The following DENND1B variants were observed in gnomAD, a reference collection of about 807,000 sequenced individuals.
DENND1B encodes the protein DENN domain containing 1B, also known as DENN domain-containing protein 1B.
DENND1B carries 59 observed loss-of-function variants against 90.1 expected under a neutral mutation model. The observed-to-expected ratio is 0.65, with a 90% CI of 0.53 to 0.81. DENND1B has a LOEUF of 0.81. Among genes scored for constraint, DENND1B ranks in the 40% least tolerant of loss-of-function variants. DENND1B has a pLI of 0.00. For missense variants in DENND1B, 862 were observed against 912.6 expected, an observed-to-expected ratio of 0.94 and a Z score of 0.71; for synonymous variants, 337 against 324.6, an observed-to-expected ratio of 1.04 and a Z score of -0.41.
intron 2 of DENND1B, among the ~76,000 whole-genome samples, chr1:197,753,932 G>A (rs918737736): frequency 6.6e-6 from 1 of 151,856 alleles, no homozygotes; most frequent in African/African-American, 2.4e-5. Context: ...CCCGGGAGGC[G>A]GAGGTTGCAG....
In DENND1B at chr1:197,627,657, T is replaced by C. The variant is rs575287158; in HGVS notation, c.673-9898A>G. ...CCTCTCTCACCACTCCTATTCAACA[T>C]AGAGTTGGAAGTTCTGGCCAGGGCA... On this transcript the variant is annotated intron_variant, in intron 10 of 22. Transcript: ENST00000620048. Among the ~76,000 whole-genome samples the C allele has an allele frequency of 4.2e-3, 633 of 151,986 alleles. 1 individual carries two copies. The highest frequency in any genetic ancestry group is 0.01 in the South Asian group (49 of 4,804).
chr1:197,761,340 A>G (rs764929829), intron 2 of DENND1B, among the ~76,000 whole-genome samples: 3 of 152,076 alleles, frequency 2.0e-5, no homozygotes, highest in Non-Finnish European at 2.9e-5. Flanking sequence ...TCCAAATATC[A>G]TATCTAAAAT....
intron 20 of DENND1B, among the ~76,000 whole-genome samples, chr1:197,534,663 TAC>T (rs886656600): frequency 6.6e-6 from 1 of 152,248 alleles, no homozygotes; most frequent in African/African-American, 2.4e-5. Context: ...CTAATTTTAA[TAC>T]AGTTTAATCT....
chr1:197,682,450 T>G lies in DENND1B; in HGVS notation c.127-8281A>C, dbSNP rs1656789042. Among the ~76,000 whole-genome samples, 4 of 152,312 alleles carry G rather than the reference T, an allele frequency of 2.6e-5. No individual in the cohort carries two copies. The South Asian group carries it at 8.3e-4, about 32-fold the overall frequency. On this transcript the variant is annotated intron_variant, in intron 3 of 22. Transcript: ENST00000620048. ...CAGTTCCACTCATATATTTACAAACTCAATGTGAAATTATACAAATAACTA... is the reference window on the plus strand; with the variant it reads ...CAGTTCCACTCATATATTTACAAACGCAATGTGAAATTATACAAATAACTA...
At chr1:197,511,275 C>A (rs1325967213) in intron 22 of DENND1B, among the ~76,000 whole-genome samples, 1 of 151,704 alleles carries the variant, frequency 6.6e-6, no homozygotes, top group Non-Finnish European at 1.5e-5. Flanking sequence ...TCTATCTCTG[C>A]TGTTTTTAAG....
At chr1:197,552,945 T>A (rs1211919094) in intron 16 of DENND1B, 77 bp downstream of exon 16, 1 of 1,539,556 alleles carries the variant, frequency 6.5e-7, no homozygotes, top group Non-Finnish European at 8.6e-7. Flanking sequence ...ATGAAATAGG[T>A]TTTATCAGAC....
At chr1:197,543,646 T>C (rs1416979398) in intron 18 of DENND1B, among the ~76,000 whole-genome samples, 1 of 152,096 alleles carries the variant, frequency 6.6e-6, no homozygotes, top group Non-Finnish European at 1.5e-5. Context: ...AGGAAAGCCA[T>C]AGAACAACCA....
chr1:197,773,675 T>C (rs968534342), intron 1 of DENND1B, among the ~76,000 whole-genome samples: 4 of 152,270 alleles, frequency 2.6e-5, no homozygotes, highest in Non-Finnish European at 4.4e-5. Context: ...TCAGAAGTTA[T>C]TGACTTTTTT....
chr1:197,586,486 A>C (rs1474186513), intron 14 of DENND1B, among the ~76,000 whole-genome samples: 1 of 152,212 alleles, frequency 6.6e-6, no homozygotes, highest in Non-Finnish European at 1.5e-5. Context: ...AGACATCCAG[A>C]GACCAAAATG....
chr1:197,654,622 A>AG, intron 6 of DENND1B, among the ~76,000 whole-genome samples: 1 of 151,954 alleles, frequency 6.6e-6, no homozygotes, highest in East Asian at 1.9e-4. Context: ...AAAAAAAAAA[A>AG]GAATTTAAAT....
chr1:197,516,897 A>G (rs1024537844), intron 20 of DENND1B, among the ~76,000 whole-genome samples: 8 of 151,960 alleles, frequency 5.3e-5, no homozygotes, highest in South Asian at 4.1e-4. Context: ...TTTTAACACA[A>G]TTGGGTATAG....
intron 15 of DENND1B, among the ~76,000 whole-genome samples, chr1:197,578,778 C>G (rs1673925490): frequency 6.6e-6 from 1 of 151,954 alleles, no homozygotes; most frequent in South Asian, 2.1e-4. Context: ...ACTGTCTTTC[C>G]TTATACCTAT....
chr1:197,540,047 A>T lies in DENND1B; in HGVS notation c.1432T>A (p.Cys478Ser), dbSNP rs774576552. ...GGTGTATATTGTACAGAACTAGAAC[A>T]GGTCCCATAATCTTCTTCATTTTCC... The part of the protein sequence containing the change: ...HKENEEDYGT[C>S]SSSVQYTPVY... The change falls in exon 20 of 23, where the codon TGT becomes AGT. Residue 478 changes from cysteine (C) to serine (S), a missense_variant. Cys to Ser is a moderately radical substitution (Grantham distance 112). Transcript: ENST00000620048. 5 of 1,606,862 alleles carry T rather than the reference A, an allele frequency of 3.1e-6. No homozygotes were observed. In the South Asian group the frequency reaches 5.6e-5, roughly 18 times the overall value.
At chr1:197,690,197 G>C (rs1355437282) in intron 3 of DENND1B, 1 of 297,140 alleles carries the variant, frequency 3.4e-6, no homozygotes, top group East Asian at 9.4e-5. Flanking sequence ...TCGATGTCAA[G>C]AATGTGTCTG....
At chr1:197,553,860 A>G (rs1303885616) in intron 15 of DENND1B, among the ~76,000 whole-genome samples, 1 of 152,070 alleles carries the variant, frequency 6.6e-6, no homozygotes, top group African/African-American at 2.4e-5. Flanking sequence ...AATATTTTTC[A>G]GTGTTCTTAA....
intron 13 of DENND1B, among the ~76,000 whole-genome samples, chr1:197,596,453 G>A (rs565364738): frequency 1.3e-5 from 2 of 151,942 alleles, no homozygotes; most frequent in South Asian, 4.1e-4. Context: ...AACATATTAA[G>A]TTGTGTAACA....
chr1:197,612,968 G>A (rs769526593), intron 11 of DENND1B, among the ~76,000 whole-genome samples: 12 of 150,680 alleles, frequency 8.0e-5, no homozygotes, highest in South Asian at 4.1e-4. Flanking sequence ...AGATATCTAC[G>A]AAGTCAATAG....
intron 2 of DENND1B, among the ~76,000 whole-genome samples, chr1:197,764,308 CTT>C (rs1359655928): frequency 6.6e-6 from 1 of 152,094 alleles, no homozygotes; most frequent in African/African-American, 2.4e-5. Flanking sequence ...GATGTAGGCT[CTT>C]GGCACATTTT....
At chr1:197,748,275 TG>T (rs1296762060) in intron 2 of DENND1B, among the ~76,000 whole-genome samples, 2 of 5,748 alleles carry the variant, frequency 3.5e-4, no homozygotes, top group Admixed American at 2.2e-3. Flanking sequence ...GAAGTAGGGG[TG>T]GGGGGGTGGG....
Sources: gnomAD v4.1 joint callset for allele counts (sites outside exome capture counted in the v4.1 genomes callset) on GRCh38, gnomAD v4.1.1 for gene constraint, MANE v1.5 for transcripts, NCBI Gene and HGNC (gene_info 2026-07-23, HGNC 2026-07-21) for gene names.